The following MYO5B variants were observed in gnomAD, a reference collection of about 807,000 sequenced individuals.
MYO5B encodes myosin VB, also known as unconventional myosin-Vb.
MYO5B carries 143 observed loss-of-function variants against 229.3 expected under a neutral mutation model. That is an observed-to-expected ratio of 0.62 (90% CI 0.54 to 0.72). The LOEUF (loss-of-function observed/expected upper bound fraction) is 0.72. MYO5B is among the 30% of genes least tolerant of loss of function. The probability of loss-of-function intolerance (pLI) is 0.00; values close to 1 mark genes in which losing one functional copy is unlikely to be tolerated. For missense variants in MYO5B, 2,321 were observed against 2,331.0 expected (o/e 1.00, Z 0.09); for synonymous variants, 918 against 885.2 (o/e 1.04, Z -0.66).
At chr18:50,135,254 C>G (rs2032317627) in intron 1 of MYO5B, among the ~76,000 whole-genome samples, 1 of 152,226 alleles carries the variant, frequency 6.6e-6, no homozygotes, top group South Asian at 2.1e-4. Context: ...CTTCTCTCCT[C>G]CCTTCAAGAA....
chr18:50,114,857 A>G (rs2031930753), intron 1 of MYO5B, among the ~76,000 whole-genome samples: 1 of 152,222 alleles, frequency 6.6e-6, no homozygotes, highest in African/African-American at 2.4e-5. Context: ...GACAGGAGGC[A>G]GTGCTGCCCA....
chr18:50,013,024 C>G (rs1203954812), intron 4 of MYO5B, among the ~76,000 whole-genome samples: 2 of 152,206 alleles, frequency 1.3e-5, no homozygotes. Flanking sequence ...CTGTACTTAT[C>G]TAAAGTACTC....
At chr18:49,872,526 C>T (rs1383963295) in intron 26 of MYO5B, among the ~76,000 whole-genome samples, 3 of 87,944 alleles carry the variant, frequency 3.4e-5, no homozygotes, top group African/African-American at 9.2e-5. Flanking sequence ...TGAATTTTGC[C>T]CCCCCAAATG....
At chr18:49,900,538 A>G (rs935926177) in intron 21 of MYO5B, among the ~76,000 whole-genome samples, 1 of 152,224 alleles carries the variant, frequency 6.6e-6, no homozygotes, top group Non-Finnish European at 1.5e-5. Context: ...TTCTATTGCT[A>G]TCTCTGCACC....
chr18:50,111,417 T>A (rs986016181), intron 1 of MYO5B, among the ~76,000 whole-genome samples: 1 of 152,228 alleles, frequency 6.6e-6, no homozygotes, highest in East Asian at 1.9e-4. Context: ...CATGTCAAGA[T>A]TATAATTTAA....
At chr18:49,964,266 G>A (rs536991514) in intron 10 of MYO5B, among the ~76,000 whole-genome samples, 59 of 152,216 alleles carry the variant, frequency 3.9e-4, no homozygotes, top group Non-Finnish European at 5.9e-4. Flanking sequence ...TCTAATACTG[G>A]TTAACAATAT....
intron 5 of MYO5B, among the ~76,000 whole-genome samples, chr18:49,997,447 G>A (rs184876115): frequency 2.4e-5 from 3 of 123,292 alleles, no homozygotes; most frequent in Admixed American, 1.1e-4. Flanking sequence ...GCATGATCTC[G>A]TCTCCTTTCT....
intron 9 of MYO5B, among the ~76,000 whole-genome samples, 185 bp from the exon 10 acceptor site, chr18:49,974,800 C>CAG (rs1555648483): frequency 9.5e-4 from 72 of 75,502 alleles, no homozygotes; most frequent in African/African-American, 2.7e-3. Context: ...CACACACAGA[C>CAG]ACACACACAC....
intron 2 of MYO5B, among the ~76,000 whole-genome samples, chr18:50,043,582 AAAT>A (rs1335771461): frequency 1.5e-5 from 2 of 132,150 alleles, no homozygotes; most frequent in Non-Finnish European, 3.1e-5. Flanking sequence ...TTTTATATAA[AAAT>A]ATATTTATAA....
chr18:49,978,728 CA>C (rs1184397745), intron 9 of MYO5B, among the ~76,000 whole-genome samples: 3 of 147,276 alleles, frequency 2.0e-5, no homozygotes, highest in Non-Finnish European at 3.0e-5. Flanking sequence ...CACACACACA[CA>C]CACACACACA....
At chr18:49,834,024 T>C (rs1008454649) in intron 39 of MYO5B, among the ~76,000 whole-genome samples, 4 of 152,218 alleles carry the variant, frequency 2.6e-5, no homozygotes, top group Admixed American at 2.6e-4. Flanking sequence ...TTCCCTCTGT[T>C]GGCCTCTGTT....
chr18:49,846,210 CA>C (rs2024124027), intron 33 of MYO5B, among the ~76,000 whole-genome samples: 1 of 152,196 alleles, frequency 6.6e-6, no homozygotes, highest in Admixed American at 6.5e-5. Context: ...TGATCCCAGA[CA>C]GACTGCAGAA....
intron 10 of MYO5B, among the ~76,000 whole-genome samples, chr18:49,968,500 T>TA (rs2025652452): frequency 6.6e-6 from 1 of 152,222 alleles, no homozygotes; most frequent in South Asian, 2.1e-4. Context: ...TCAGTAAATT[T>TA]ACTTAATCTA....
intron 14 of MYO5B, among the ~76,000 whole-genome samples, chr18:49,952,082 T>G (rs1363084575): frequency 6.6e-6 from 1 of 152,216 alleles, no homozygotes; most frequent in Non-Finnish European, 1.5e-5. Context: ...GGTCTGTTCT[T>G]GGCAGTCTGC....
intron 21 of MYO5B, among the ~76,000 whole-genome samples, chr18:49,895,911 G>A (rs563624809): frequency 9.8e-5 from 15 of 152,336 alleles, no homozygotes; most frequent in African/African-American, 3.1e-4. Context: ...AATCAGCACC[G>A]CAAGAGTTGA....
At chr18:49,852,435 G>A (rs1222303747) in intron 31 of MYO5B, among the ~76,000 whole-genome samples, 2 of 152,222 alleles carry the variant, frequency 1.3e-5, no homozygotes, top group African/African-American at 4.8e-5. Context: ...GAGGGAGAGA[G>A]AGGGAGGGAG....
chr18:50,067,743 C>T (rs2030857574), intron 1 of MYO5B, among the ~76,000 whole-genome samples: 1 of 152,132 alleles, frequency 6.6e-6, no homozygotes. Flanking sequence ...GTGGAAGCAG[C>T]CTGGGGCCCT....
chr18:50,105,354 A>G (rs2031738457), intron 1 of MYO5B, among the ~76,000 whole-genome samples: 1 of 152,160 alleles, frequency 6.6e-6, no homozygotes, highest in Non-Finnish European at 1.5e-5. Flanking sequence ...GTGATGTGAA[A>G]GCCAGGATGT....
chr18:50,052,795 A>T (rs2030435274), intron 2 of MYO5B, among the ~76,000 whole-genome samples: 1 of 152,208 alleles, frequency 6.6e-6, no homozygotes, highest in Non-Finnish European at 1.5e-5. Context: ...ACCAGAGTGA[A>T]AAAACTTTTT....
Sources: allele counts gnomAD v4.1 joint callset (sites outside exome capture counted in the v4.1 genomes callset), GRCh38; gene constraint gnomAD v4.1.1; transcripts MANE v1.5; gene names NCBI Gene and HGNC (gene_info 2026-07-23, HGNC 2026-07-21).